RALYL: variants seen among roughly 807,000 people sequenced by gnomAD.
RALYL encodes RALY RNA binding protein like.
Under a neutral mutation model 35.1 loss-of-function variants are expected in RALYL, and 29 were observed. The ratio of observed to expected loss-of-function variants is 0.83; its 90% CI spans 0.61 to 1.13. RALYL has a LOEUF of 1.13. Ranked by LOEUF, RALYL falls within the 50% of genes most tolerant of loss-of-function variation. RALYL has a pLI of 0.00. For missense variants in RALYL, 359 were observed against 360.4 expected (o/e 1.00, Z 0.03); for synonymous variants, 120 against 127.6 (o/e 0.94, Z 0.40).
intron 2 of RALYL, among the ~76,000 whole-genome samples, chr8:84,725,893 A>G (rs1844861799): frequency 6.6e-6 from 1 of 151,714 alleles, no homozygotes; most frequent in South Asian, 2.1e-4. Context: ...ATTTAATAGT[A>G]TTAAGCAATC....
At chr8:84,366,434 G>A (rs1176106989) in intron 1 of RALYL, among the ~76,000 whole-genome samples, 1 of 152,116 alleles carries the variant, frequency 6.6e-6, no homozygotes, top group Non-Finnish European at 1.5e-5. Context: ...CCAAAGATCT[G>A]CAGTAGTGGG....
At chr8:84,775,824 G>A (rs1816711640) in intron 3 of RALYL, among the ~76,000 whole-genome samples, 1 of 152,186 alleles carries the variant, frequency 6.6e-6, no homozygotes, top group Admixed American at 6.5e-5. Context: ...AAAAAATTAT[G>A]TTCTGCTGTT....
At chr8:84,591,753 T>G (rs1161530957) in intron 2 of RALYL, among the ~76,000 whole-genome samples, 1 of 152,118 alleles carries the variant, frequency 6.6e-6, no homozygotes, top group Non-Finnish European at 1.5e-5. Flanking sequence ...AGACCTGGTG[T>G]AGGACTGTGT....
intron 2 of RALYL, among the ~76,000 whole-genome samples, chr8:84,633,365 C>A (rs1291110340): frequency 6.6e-6 from 1 of 151,694 alleles, no homozygotes; most frequent in African/African-American, 2.4e-5. Flanking sequence ...CCGCTACTTC[C>A]TTTCCCCCCT....
At chr8:84,901,824 A>G (rs1477540869) in intron 8 of RALYL, among the ~76,000 whole-genome samples, 2 of 152,132 alleles carry the variant, frequency 1.3e-5, no homozygotes, top group African/African-American at 4.8e-5. Flanking sequence ...GTTCTCATTG[A>G]CCAATGGAGA....
At chr8:84,438,460 C>T (rs1001343842) in intron 1 of RALYL, among the ~76,000 whole-genome samples, 2 of 152,146 alleles carry the variant, frequency 1.3e-5, no homozygotes, top group Non-Finnish European at 2.9e-5. Context: ...ACAATCTCTG[C>T]TCACTGCAAC....
At chr8:84,651,829 T>A (rs189646988) in intron 2 of RALYL, among the ~76,000 whole-genome samples, 1 of 152,138 alleles carries the variant, frequency 6.6e-6, no homozygotes, top group East Asian at 1.9e-4. Context: ...AGGAACAGGA[T>A]GTCAGATTCT....
intron 1 of RALYL, among the ~76,000 whole-genome samples, chr8:84,329,692 TTTA>T (rs1846467875): frequency 6.6e-6 from 1 of 152,124 alleles, no homozygotes; most frequent in African/African-American, 2.4e-5. Flanking sequence ...TATTTGCTAT[TTTA>T]TTAATGAAAT....
chr8:84,793,332 G>C (rs1320918924), intron 3 of RALYL, among the ~76,000 whole-genome samples: 1 of 152,162 alleles, frequency 6.6e-6, no homozygotes, highest in Non-Finnish European at 1.5e-5. Context: ...GTTAGGCTGG[G>C]TGGTATGAAA....
At chr8:84,574,622 T>C (rs1438007862) in intron 2 of RALYL, among the ~76,000 whole-genome samples, 1 of 152,122 alleles carries the variant, frequency 6.6e-6, no homozygotes, top group Non-Finnish European at 1.5e-5. Flanking sequence ...GATGATATCA[T>C]AGGACATACC....
chr8:84,740,244 C>T (rs962706306), intron 2 of RALYL, among the ~76,000 whole-genome samples: 9 of 151,904 alleles, frequency 5.9e-5, no homozygotes, highest in Admixed American at 5.3e-4. Context: ...CTAGATTCAT[C>T]CACTGGGAGA....
chr8:84,767,723 T>G (rs528917866), intron 2 of RALYL, among the ~76,000 whole-genome samples: 1 of 152,290 alleles, frequency 6.6e-6, no homozygotes, highest in African/African-American at 2.4e-5. Flanking sequence ...GCAGATGTGA[T>G]GTGTAGTGCA....
intron 1 of RALYL, among the ~76,000 whole-genome samples, chr8:84,368,606 T>C (rs774292832): frequency 3.9e-5 from 6 of 152,226 alleles, no homozygotes; most frequent in African/African-American, 7.2e-5. Context: ...GAAAGGCACG[T>C]CTCACGTGGC....
intron 3 of RALYL, among the ~76,000 whole-genome samples, chr8:84,795,757 T>A (rs1201168576): frequency 1.3e-5 from 2 of 152,188 alleles, no homozygotes; most frequent in Non-Finnish European, 2.9e-5. Flanking sequence ...TAAGTAGGCT[T>A]TAGAATTCAT....
intron 2 of RALYL, among the ~76,000 whole-genome samples, chr8:84,622,673 G>A (rs1821809733): frequency 6.6e-6 from 1 of 152,100 alleles, no homozygotes; most frequent in South Asian, 2.1e-4. Context: ...TTTCCTTGCT[G>A]TCATATGGAA....
intron 2 of RALYL, among the ~76,000 whole-genome samples, chr8:84,727,402 AACAACAAAAATCTTT>A (rs1845172164): frequency 6.6e-6 from 1 of 152,126 alleles, no homozygotes; most frequent in Non-Finnish European, 1.5e-5. Flanking sequence ...CAAAAAACAA[AACAACAAAAATCTTT>A]CTTATTCCAG....
At chr8:84,242,479 A>G (rs573428214) in intron 1 of RALYL, among the ~76,000 whole-genome samples, 6 of 152,298 alleles carry the variant, frequency 3.9e-5, no homozygotes, top group Admixed American at 1.3e-4. Context: ...AAGCATTCCT[A>G]TTTCTTCACA....
At chr8:84,405,190 G>A (rs1191419486) in intron 1 of RALYL, among the ~76,000 whole-genome samples, 1 of 152,132 alleles carries the variant, frequency 6.6e-6, no homozygotes, top group Non-Finnish European at 1.5e-5. Flanking sequence ...CAACATACCA[G>A]TATCTCTGGA....
chr8:84,781,947 C>A (rs1818270073), intron 3 of RALYL, among the ~76,000 whole-genome samples: 1 of 151,910 alleles, frequency 6.6e-6, no homozygotes, highest in Non-Finnish European at 1.5e-5. Flanking sequence ...ATTATATAGG[C>A]CTTCATAGGA....
Sources: allele counts gnomAD v4.1 joint callset (sites outside exome capture counted in the v4.1 genomes callset), GRCh38; gene constraint gnomAD v4.1.1; transcripts MANE v1.5; gene names NCBI Gene and HGNC (gene_info 2026-07-23, HGNC 2026-07-21).